ELF1: variants seen among roughly 807,000 people sequenced by gnomAD.
ELF1 encodes ETS-related transcription factor Elf-1.
In ELF1, 24 loss-of-function variants were observed where a neutral mutation model predicts 59.9. The ratio of observed to expected loss-of-function variants is 0.40; its 90% CI spans 0.29 to 0.56. The LOEUF is 0.56. ELF1 is among the 20% of genes least tolerant of loss of function. The probability of loss-of-function intolerance (pLI) is 0.44; values close to 1 mark genes in which losing one functional copy is unlikely to be tolerated. For synonymous variants in ELF1, 248 were observed against 266.2 expected (o/e 0.93, Z 0.67); for missense variants, 627 against 742.2 (o/e 0.84, Z 1.80).
At chr13:41,052,156 T>G (rs1404023300) in intron 1 of ELF1, among the ~76,000 whole-genome samples, 1 of 152,116 alleles carries the variant, frequency 6.6e-6, no homozygotes. Context: ...GCCAGGCTGG[T>G]CTTGAACTCC....
intron 1 of ELF1, among the ~76,000 whole-genome samples, chr13:40,996,714 A>G (rs1008974337): frequency 9.2e-5 from 14 of 152,194 alleles, no homozygotes; most frequent in Admixed American, 6.5e-5. Context: ...GGCAGGAGGT[A>G]TATGGGAAAT....
intron 2 of ELF1, among the ~76,000 whole-genome samples, chr13:40,971,790 C>T (rs1250531303): frequency 1.3e-5 from 2 of 152,144 alleles, no homozygotes; most frequent in South Asian, 2.1e-4. Flanking sequence ...GGATAAATTA[C>T]AATTTGGCCA....
Position 40,943,006 on chromosome 13 carries a change from C to T in ELF1, c.752G>A (p.Gly251Glu). 6.2e-7 allele frequency: 1 copy of T among 1,610,054 alleles called. No homozygotes were observed. Among genetic ancestry groups the T allele is most frequent in the Admixed American group, 1.7e-5 (1 of 59,522 alleles). The change falls in exon 7 of 9, where the codon GGG (glycine) becomes GAG (glutamate). Residue 251 changes from glycine (G) to glutamate (E), a missense_variant. Coordinates refer to ENST00000239882, the MANE Select transcript of ELF1 (RefSeq NM_172373.4). The part of the protein sequence containing the change: ...VDSKAVSRLW[G>E]KHKNKPDMNY... ...CATATCAGGTTTGTTTTTGTGCTTC[C>T]CCCACAACCTGGACACTGCTTTAGA...
chr13:41,058,578 C>T (rs1877371957), intron 1 of ELF1, among the ~76,000 whole-genome samples: 1 of 152,178 alleles, frequency 6.6e-6, no homozygotes, highest in Non-Finnish European at 1.5e-5. Flanking sequence ...TTGTGTTCAC[C>T]CCCAGGTATA....
At chr13:41,035,769 A>G (rs528084290) in intron 1 of ELF1, among the ~76,000 whole-genome samples, 99 of 151,432 alleles carry the variant, frequency 6.5e-4, no homozygotes, top group Non-Finnish European at 1.4e-3. Flanking sequence ...ATTAGGGTAA[A>G]GTGGCCCTTC....
intron 7 of ELF1, among the ~76,000 whole-genome samples, chr13:40,942,372 A>T (rs1041823806): frequency 6.6e-6 from 1 of 152,238 alleles, no homozygotes; most frequent in Non-Finnish European, 1.5e-5. Flanking sequence ...TGAAGGATAA[A>T]TGACAGAATC....
upstream of ELF1, among the ~76,000 whole-genome samples, chr13:41,023,500 T>C (rs554856008): frequency 9.8e-5 from 15 of 152,362 alleles, no homozygotes; most frequent in South Asian, 2.1e-3. Flanking sequence ...TTGAGTGTTA[T>C]GAATCTTTCA....
chr13:40,984,476 G>C (rs1593379105), intron 1 of ELF1, among the ~76,000 whole-genome samples: 1 of 152,152 alleles, frequency 6.6e-6, no homozygotes, highest in Non-Finnish European at 1.5e-5. Flanking sequence ...GCTGAGGCAG[G>C]AGGATCACTT....
At chr13:41,057,276 G>C (rs1307956699) in intron 1 of ELF1, among the ~76,000 whole-genome samples, 1 of 151,088 alleles carries the variant, frequency 6.6e-6, no homozygotes, top group African/African-American at 2.4e-5. Flanking sequence ...CCCACCTTAG[G>C]CTTGCAAGTA....
At chr13:40,959,157 G>T in intron 2 of ELF1, 141 bp from the exon 3 acceptor site, 1 of 1,243,300 alleles carries the variant, frequency 8.0e-7, no homozygotes, top group Non-Finnish European at 1.1e-6. Flanking sequence ...ATCTTTCTAG[G>T]CATTAGGTAA....
intron 1 of ELF1, among the ~76,000 whole-genome samples, chr13:41,028,943 C>T (rs1440761297): frequency 6.6e-6 from 1 of 151,752 alleles, no homozygotes; most frequent in Non-Finnish European, 1.5e-5. Context: ...CGGGGTTTCA[C>T]CATATTGGCC....
At chr13:41,006,987 T>C (rs1394264407) in intron 1 of ELF1, among the ~76,000 whole-genome samples, 1 of 152,136 alleles carries the variant, frequency 6.6e-6, no homozygotes, top group Non-Finnish European at 1.5e-5. Context: ...CAATGGCTAT[T>C]TGGAAAGGAA....
rs1210294443 is a variant in ELF1 at position 41,060,944 on chromosome 13, C to CGCCGCCGCCGCCGCT, written c.-336_-335insAGCGGCGGCGGCGGC. On this transcript the variant is annotated 5_prime_UTR_variant, in exon 1 of 2. Transcript: ENST00000405737. ...CCGCCGCCGCCGCCGCCGCCGCCGC[C>CGCCGCCGCCGCCGCT]GCTGCTGCTGCCCACACGCTCCCGA... The CGCCGCCGCCGCCGCT allele has an allele frequency of 2.6e-4, 70 of 265,210 alleles. 3 individuals are homozygous for CGCCGCCGCCGCCGCT. Among genetic ancestry groups the CGCCGCCGCCGCCGCT allele is most frequent in the African/African-American group, 1.4e-3 (62 of 43,360 alleles). The allele number at this position is 265,210 out of a possible 1,614,324, so 16.4% of individuals were successfully genotyped here. A position where few individuals can be genotyped will look rare whatever the true frequency, so the allele number is the denominator to read the frequency against.
At chr13:40,970,438 T>C (rs1872463969) in intron 2 of ELF1, among the ~76,000 whole-genome samples, 1 of 152,144 alleles carries the variant, frequency 6.6e-6, no homozygotes. Context: ...AAAAATACGA[T>C]CTCTATCATA....
chr13:41,047,631 C>A (rs1039414306), intron 1 of ELF1, among the ~76,000 whole-genome samples: 3 of 152,196 alleles, frequency 2.0e-5, no homozygotes, highest in Admixed American at 6.5e-5. Flanking sequence ...CCTGATCATT[C>A]CTCTGGAAGC....
intron 1 of ELF1, among the ~76,000 whole-genome samples, chr13:41,000,896 G>A (rs1376540944): frequency 6.6e-6 from 1 of 151,686 alleles, no homozygotes; most frequent in African/African-American, 2.4e-5. Flanking sequence ...TAAATAATTA[G>A]ATACAACGCA....
intron 1 of ELF1, chr13:40,982,841 A>T: frequency 1.0e-6 from 1 of 984,288 alleles, no homozygotes; most frequent in Non-Finnish European, 1.2e-6. Flanking sequence ...TGATAAGTAA[A>T]ATGTTTTAAA....
At chr13:40,975,318 C>T (rs1872836799) in intron 2 of ELF1, among the ~76,000 whole-genome samples, 1 of 152,088 alleles carries the variant, frequency 6.6e-6, no homozygotes, top group Admixed American at 6.5e-5. Flanking sequence ...GACTTATCCT[C>T]TTACATACAG....
intron 1 of ELF1, among the ~76,000 whole-genome samples, chr13:41,034,365 TACTATG>T (rs1876289168): frequency 6.6e-6 from 1 of 152,224 alleles, no homozygotes; most frequent in Non-Finnish European, 1.5e-5. Flanking sequence ...TTCATCACTA[TACTATG>T]ACTGCATAAG....
Sources: allele counts gnomAD v4.1 joint callset (sites outside exome capture counted in the v4.1 genomes callset), GRCh38; gene constraint gnomAD v4.1.1; transcripts MANE v1.5; gene names NCBI Gene and HGNC (gene_info 2026-07-23, HGNC 2026-07-21).